PLXNA1: variants seen among roughly 807,000 people sequenced by gnomAD.
PLXNA1 encodes plexin-A1.
PLXNA1 carries 77 observed loss-of-function variants against 191.7 expected under a neutral mutation model. The ratio of observed to expected loss-of-function variants is 0.40; its 90% CI spans 0.33 to 0.49. The LOEUF is 0.49. PLXNA1 is among the 20% of genes least tolerant of loss of function. The pLI is 0.63. For missense variants in PLXNA1, 2,110 were observed against 2,660.2 expected (o/e 0.79, Z 4.55); for synonymous variants, 1,137 against 1,156.4 (o/e 0.98, Z 0.34).
intron 3 of PLXNA1, among the ~76,000 whole-genome samples, chr3:126,998,190 G>A (rs970182926): frequency 2.0e-5 from 3 of 152,220 alleles, no homozygotes. Flanking sequence ...GGTTTCAGGG[G>A]CTGCCTCGGG....
intron 31 of PLXNA1, 58 bp from the exon 32 acceptor site, chr3:127,033,864 C>G (rs1469853928): frequency 9.6e-6 from 14 of 1,451,116 alleles, no homozygotes; most frequent in Non-Finnish European, 1.1e-5. Context: ...TGCCCTGGGC[C>G]TGCTGAGTGC....
At position 127,036,145 on chromosome 3, in the gene PLXNA1, T is replaced by TG. The variant is rs1418031975; in HGVS notation, c.*2132dup. 6.6e-6 allele frequency: 1 copy of TG among 152,648 alleles called. No homozygotes were observed. The allele number at this position is 152,648 out of a possible 1,614,324, so 9.5% of individuals were successfully genotyped here. ...CCCTTCTGATGTTTCCTGGCTATGGTGGGGTGGGAACCTCAGTTTCCCCCA... is the reference window on the plus strand; with the variant it reads ...CCCTTCTGATGTTTCCTGGCTATGGTGGGGGTGGGAACCTCAGTTTCCCCCA... On this transcript the variant is annotated 3_prime_UTR_variant, in exon 32 of 32. Transcript: ENST00000393409.
intron 19 of PLXNA1, 127 bp from the exon 20 acceptor site, chr3:127,018,167 T>C (rs1328093723): frequency 1.0e-6 from 1 of 957,492 alleles, no homozygotes; most frequent in East Asian, 2.6e-5. Flanking sequence ...TGGTGACCAC[T>C]CTGTGCCCCT....
At chr3:127,021,638 T>A (rs2079152618) in intron 21 of PLXNA1, among the ~76,000 whole-genome samples, 1 of 152,212 alleles carries the variant, frequency 6.6e-6, no homozygotes, top group Non-Finnish European at 1.5e-5. Flanking sequence ...CATGCACTCC[T>A]GGTACCCAGT....
rs377527792 is a variant in PLXNA1, at chr3:126,996,391, G to A, written c.1377+4825G>A. On this transcript the variant is annotated intron_variant, in intron 3 of 31. Transcript: ENST00000393409. ...CTCTTTGCACTCCCCTCATACCCCC[G>A]GACCCCAGGCAGGATTTTGGAATTT... 2.2e-4 allele frequency among the ~76,000 whole-genome samples: 34 copies of A among 152,066 alleles called. 1 individual carries two copies. The South Asian group carries it at 4.4e-3, about 20-fold the overall frequency.
At chr3:127,007,757 G>C (rs761241906) in intron 8 of PLXNA1, 42 bp from the exon 9 acceptor site, 24 of 1,342,652 alleles carry the variant, frequency 1.8e-5, no homozygotes, top group Non-Finnish European at 2.5e-5. Context: ...ACTCCACGTG[G>C]TTGCGGGTCC....
At chr3:126,987,018 C>G (rs1181011049) in intron 1 of PLXNA1, among the ~76,000 whole-genome samples, 1 of 152,228 alleles carries the variant, frequency 6.6e-6, no homozygotes, top group Non-Finnish European at 1.5e-5. Context: ...CCGGCTCCAG[C>G]CAGGAGTGGG....
intron 2 of PLXNA1, among the ~76,000 whole-genome samples, chr3:126,990,268 C>T (rs1366343614): frequency 6.6e-6 from 1 of 152,234 alleles, no homozygotes; most frequent in African/African-American, 2.4e-5. Flanking sequence ...CGCTTGTGTC[C>T]CCCACATGAC....
intron 20 of PLXNA1, 35 bp from the exon 21 acceptor site, chr3:127,020,167 G>A: frequency 6.2e-7 from 1 of 1,607,998 alleles, no homozygotes; most frequent in African/African-American, 1.3e-5. Flanking sequence ...GGGGCCACCA[G>A]GGCATGCTGC....
rs762794822 is a variant in PLXNA1, at chr3:127,005,241, A to T, written c.1895A>T (p.Gln632Leu). The part of the protein sequence containing the change: ...AREVAPITRG[Q>L]GDQRVVKLYL... ...GAGGTGGCGCCCATCACGCGGGGCC[A>T]GGGTGAGTGGCCCCAACACAATGGT... Residue 632 changes from glutamine to leucine, a missense_variant and splice_region_variant, in exon 7 of 32, where the codon CAG (glutamine) becomes CTG (leucine). Transcript: ENST00000393409. The T allele has an allele frequency of 1.0e-5, 16 of 1,603,462 alleles. 1 individual carries two copies. Among genetic ancestry groups the T allele is most frequent in the Middle Eastern group, 3.3e-4 (2 of 6,036 alleles).
At chr3:126,998,214 T>C (rs2079023475) in intron 3 of PLXNA1, among the ~76,000 whole-genome samples, 1 of 152,126 alleles carries the variant, frequency 6.6e-6, no homozygotes, top group South Asian at 2.1e-4. Flanking sequence ...ACTATGCTTG[T>C]GTGGTGGGTC....
intron 23 of PLXNA1, chr3:127,027,447 T>TAGG (rs1489130083): frequency 6.9e-5 from 25 of 360,694 alleles, no homozygotes; most frequent in Non-Finnish European, 1.2e-4. Context: ...GGGTGGTCCC[T>TAGG]AGGAGGCCAG....
chr3:127,013,096 A>G (rs998533256), intron 10 of PLXNA1, among the ~76,000 whole-genome samples: 14 of 152,138 alleles, frequency 9.2e-5, no homozygotes, highest in African/African-American at 3.1e-4. Context: ...GAGGGTCACA[A>G]CAGGCTTCCT....
intron 21 of PLXNA1, 133 bp downstream of exon 21, chr3:127,020,477 G>A: frequency 3.5e-6 from 4 of 1,155,954 alleles, no homozygotes; most frequent in Non-Finnish European, 4.8e-6. Flanking sequence ...GGCCTGCAGG[G>A]CTCTGGGCTC....
At chr3:127,005,926 C>T (rs1048102487) in intron 7 of PLXNA1, among the ~76,000 whole-genome samples, 153 bp from the exon 8 acceptor site, 1 of 152,154 alleles carries the variant, frequency 6.6e-6, no homozygotes, top group East Asian at 1.9e-4. Flanking sequence ...AGGCCCTGGT[C>T]ACCTGGGGGC....
chr3:127,018,019 C>G, intron 19 of PLXNA1, 127 bp downstream of exon 19: 2 of 1,296,732 alleles, frequency 1.5e-6, no homozygotes, highest in Non-Finnish European at 2.1e-6. Flanking sequence ...GCGCCCGGCT[C>G]CAGTGCAGGC....
Position 127,020,454 on chromosome 3 carries a change from G to T in PLXNA1, c.4038+110G>T, listed in dbSNP as rs957502490. The T allele has an allele frequency of 2.2e-5, 30 of 1,365,854 alleles. 2 individuals are homozygous for T. In the South Asian group the frequency reaches 3.6e-4, roughly 16 times the overall value. The allele number at this position is 1,365,854 out of a possible 1,614,324, so 84.6% of individuals were successfully genotyped here. ...TGGTATGGGGCAGCCTGTGTGGCCT[G>T]GGGGAGGGTCCAGGCCTGCAGGGCT... On this transcript the variant is annotated intron_variant, in intron 21 of 31. Transcript: ENST00000393409.
chr3:126,983,563 C>G (rs1240563727), intron 1 of PLXNA1, among the ~76,000 whole-genome samples: 2 of 146,810 alleles, frequency 1.4e-5, no homozygotes, highest in Non-Finnish European at 3.0e-5. Flanking sequence ...ACCGCACCCC[C>G]GTGCGGCGGG....
intron 21 of PLXNA1, among the ~76,000 whole-genome samples, chr3:127,021,659 A>G (rs970434472): frequency 2.0e-5 from 3 of 152,180 alleles, no homozygotes; most frequent in Admixed American, 1.3e-4. Context: ...GGATGGGGGC[A>G]TTGAGTTGGA....
Sources: allele counts gnomAD v4.1 joint callset (sites outside exome capture counted in the v4.1 genomes callset), GRCh38; gene constraint gnomAD v4.1.1; transcripts MANE v1.5; gene names NCBI Gene and HGNC (gene_info 2026-07-23, HGNC 2026-07-21).